Variants in SOX5 observed in about 807,000 individuals in gnomAD.
The protein encoded by SOX5 is SRY-box transcription factor 5, also known as transcription factor SOX-5.
Under a neutral mutation model 92.0 loss-of-function variants are expected in SOX5, and 9 were observed. The ratio of observed to expected loss-of-function variants is 0.10; its 90% CI spans 0.06 to 0.17. The LOEUF is 0.17. Ranked by LOEUF, SOX5 falls within the 10% of genes least tolerant of loss-of-function variation. The probability of loss-of-function intolerance (pLI) is 1.00; values close to 1 mark genes in which losing one functional copy is unlikely to be tolerated. For synonymous variants in SOX5, 344 were observed against 336.3 expected (o/e 1.02, Z -0.25); for missense variants, 642 against 944.5 (o/e 0.68, Z 4.20).
At chr12:24,030,068 A>G (rs1955315465) in intron 4 of SOX5, among the ~76,000 whole-genome samples, 1 of 151,952 alleles carries the variant, frequency 6.6e-6, no homozygotes, top group African/African-American at 2.4e-5. Context: ...TTAAGTCACA[A>G]GCTCAATTAC....
chr12:23,915,700 T>C (rs971518364), intron 1 of SOX5, among the ~76,000 whole-genome samples: 3 of 152,078 alleles, frequency 2.0e-5, no homozygotes, highest in Non-Finnish European at 4.4e-5. Context: ...CCAAATAACA[T>C]AGATAAAAGA....
intron 1 of SOX5, among the ~76,000 whole-genome samples, chr12:24,552,518 TG>T (rs1953296380): frequency 6.6e-6 from 1 of 152,256 alleles, no homozygotes; most frequent in Non-Finnish European, 1.5e-5. Context: ...ACTGGCTGAC[TG>T]GATGATCACC....
At chr12:24,022,542 T>G (rs565761173) in intron 4 of SOX5, among the ~76,000 whole-genome samples, 1 of 152,284 alleles carries the variant, frequency 6.6e-6, no homozygotes, top group African/African-American at 2.4e-5. Context: ...CATTGTAATT[T>G]GCCTACCATT....
intron 1 of SOX5, among the ~76,000 whole-genome samples, chr12:24,409,091 A>G (rs1963576640): frequency 6.6e-6 from 1 of 152,250 alleles, no homozygotes; most frequent in Admixed American, 6.5e-5. Flanking sequence ...CCCATCAATG[A>G]TAGACTGGAT....
intron 2 of SOX5, among the ~76,000 whole-genome samples, chr12:24,316,049 C>T (rs941095003): frequency 1.3e-5 from 2 of 152,218 alleles, no homozygotes; most frequent in South Asian, 2.1e-4. Flanking sequence ...TCTGTAGCCT[C>T]TGCAGGCACA....
chr12:24,186,185 A>G (rs1213271648), intron 4 of SOX5, among the ~76,000 whole-genome samples: 1 of 152,140 alleles, frequency 6.6e-6, no homozygotes, highest in African/African-American at 2.4e-5. Flanking sequence ...CAAAACCAAC[A>G]AAAAAACAAC....
chr12:24,317,739 C>T (rs1949831921), intron 2 of SOX5, among the ~76,000 whole-genome samples: 1 of 152,218 alleles, frequency 6.6e-6, no homozygotes, highest in African/African-American at 2.4e-5. Context: ...CGTTTCCCTT[C>T]CATCTATCAG....
chr12:23,949,749 T>A, upstream of SOX5: 2 of 915,040 alleles, frequency 2.2e-6, no homozygotes, highest in Admixed American at 6.1e-5. Flanking sequence ...TCTCTCTCTC[T>A]CTCCCTCTCT....
chr12:23,561,533 C>A (rs533217255), intron 11 of SOX5, among the ~76,000 whole-genome samples: 1 of 152,134 alleles, frequency 6.6e-6, no homozygotes, highest in Non-Finnish European at 1.5e-5. Context: ...AAGCCGTCAG[C>A]GCAATTATTG....
chr12:23,835,635 A>G (rs2096402239), intron 3 of SOX5, among the ~76,000 whole-genome samples: 1 of 151,904 alleles, frequency 6.6e-6, no homozygotes, highest in Admixed American at 6.6e-5. Flanking sequence ...ACTTTAGTAG[A>G]AAACTACTGA....
chr12:23,709,034 G>A (rs2091764954), intron 6 of SOX5, among the ~76,000 whole-genome samples: 1 of 152,106 alleles, frequency 6.6e-6, no homozygotes, highest in African/African-American at 2.4e-5. Context: ...TCACTGCTCA[G>A]AACTATTTGC....
In SOX5 at chr12:23,981,007, G is replaced by A. The variant is rs576524976; in HGVS notation, c.-1-84983C>T. ...GTGTCATGGCCAAAACAGGAATAAC[G>A]TGTTTGCCCTTCTGAATTCCCCAGT... is the stretch of plus-strand genomic sequence containing the variant. On this transcript the variant is annotated intron_variant, in intron 4 of 4. Coordinates refer to the SOX5 transcript ENST00000446891. 7.9e-5 allele frequency among the ~76,000 whole-genome samples: 12 copies of A among 152,200 alleles called. No homozygotes were observed. In the South Asian group the frequency reaches 1.2e-3, roughly 16 times the overall value.
chr12:24,555,897 C>G (rs748967985), intron 1 of SOX5, among the ~76,000 whole-genome samples: 1 of 152,240 alleles, frequency 6.6e-6, no homozygotes, highest in African/African-American at 2.4e-5. Context: ...ACTTCCCCAA[C>G]TGCTTCCCCT....
At chr12:24,143,868 AAGGAGGAGGAGGAGGAAAGG>A (rs1950821573) in intron 4 of SOX5, among the ~76,000 whole-genome samples, 1 of 150,622 alleles carries the variant, frequency 6.6e-6, no homozygotes, top group Admixed American at 6.6e-5. Context: ...GAAGGAGGAG[AAGGAGGAGGAGGAGGAAAGG>A]AGGAGGAGGA....
chr12:23,632,095 ATTG>A (rs1233571486), intron 8 of SOX5: 9 of 152,200 alleles, frequency 5.9e-5, no homozygotes, highest in Admixed American at 5.2e-4. Flanking sequence ...ATATAATTTA[ATTG>A]TTGTTGGGGT....
intron 4 of SOX5, among the ~76,000 whole-genome samples, chr12:23,974,763 A>G (rs1363048183): frequency 6.6e-6 from 1 of 152,196 alleles, no homozygotes; most frequent in Non-Finnish European, 1.5e-5. Flanking sequence ...AGGGAAAACA[A>G]ATAATTAGTG....
At chr12:23,779,814 T>TATATATATATATATATACACACAC (rs777013504) in intron 3 of SOX5, among the ~76,000 whole-genome samples, 3 of 110,808 alleles carry the variant, frequency 2.7e-5, no homozygotes, top group African/African-American at 1.1e-4. Flanking sequence ...TATATATATA[T>TATATATATATATATATACACACAC]ACACACACAC....
At chr12:24,475,558 T>C (rs1423841917) in intron 1 of SOX5, among the ~76,000 whole-genome samples, 5 of 152,228 alleles carry the variant, frequency 3.3e-5, no homozygotes, top group Non-Finnish European at 7.3e-5. Flanking sequence ...TGTTCTTGGC[T>C]CTGACCATCC....
chr12:23,850,233 G>C (rs1286036699), intron 2 of SOX5, among the ~76,000 whole-genome samples: 1 of 151,778 alleles, frequency 6.6e-6, no homozygotes, highest in South Asian at 2.1e-4. Context: ...GATCGAGACT[G>C]TCCTGGCCAA....
Sources: gnomAD v4.1 joint callset for allele counts (sites outside exome capture counted in the v4.1 genomes callset) on GRCh38, gnomAD v4.1.1 for gene constraint, MANE v1.5 for transcripts, NCBI Gene and HGNC (gene_info 2026-07-23, HGNC 2026-07-21) for gene names.